Variants in CCND3 observed in about 807,000 individuals in gnomAD.
The protein encoded by CCND3 is G1/S-specific cyclin-D3.
Under a neutral mutation model 28.7 loss-of-function variants are expected in CCND3, and 9 were observed. That is an observed-to-expected ratio of 0.31 (90% confidence interval 0.19 to 0.55). The LOEUF is 0.55. Among genes scored for constraint, CCND3 ranks in the 20% least tolerant of loss-of-function variants. The pLI is 0.93. For missense variants in CCND3, 315 were observed against 385.8 expected (o/e 0.82, Z 1.54); for synonymous variants, 164 against 163.9 (o/e 1.00, Z 0.00).
At chr6:42,000,888 CTT>C (rs1029011775) in intron 1 of CCND3, among the ~76,000 whole-genome samples, 11 of 151,574 alleles carry the variant, frequency 7.3e-5, no homozygotes, top group Non-Finnish European at 1.2e-4. Flanking sequence ...TTAATGGAAA[CTT>C]TTCAAGAACT....
intron 1 of CCND3, chr6:42,031,352 C>T (rs1366477882): frequency 6.6e-6 from 1 of 152,206 alleles, no homozygotes; most frequent in Non-Finnish European, 1.5e-5. Context: ...GGATACTTCA[C>T]AACTTTACTG....
intron 1 of CCND3, among the ~76,000 whole-genome samples, chr6:42,040,568 C>A (rs1436128547): frequency 6.6e-6 from 1 of 150,844 alleles, no homozygotes; most frequent in African/African-American, 2.4e-5. Context: ...AAATAAAAAA[C>A]CTCGGCCAGG....
chr6:41,997,680 C>T (rs1762848866), intron 1 of CCND3, among the ~76,000 whole-genome samples: 6 of 151,756 alleles, frequency 4.0e-5, no homozygotes, highest in Admixed American at 3.9e-4. Flanking sequence ...TCACTTGAGC[C>T]CAGGAGTTTA....
chr6:41,940,857 C>A, intron 1 of CCND3: 1 of 1,225,584 alleles, frequency 8.2e-7, no homozygotes, highest in South Asian at 1.2e-5. Context: ...CGGAGACTCC[C>A]CTCCCCCACA....
In CCND3 at chr6:42,003,525, CAAAAAAAAAAAAAAAAAAAAAAAAAA is replaced by C. The variant is rs61494473; in HGVS notation, c.-46+44950_-46+44975del. 2.2e-3 allele frequency among the ~76,000 whole-genome samples: 160 copies of C among 73,518 alleles called. 2 individuals are homozygous for C. Among genetic ancestry groups the C allele is most frequent in the Non-Finnish European group, 2.5e-3 (109 of 43,000 alleles). The allele number at this position is 73,518 out of a possible 152,430, so 48.2% of individuals were successfully genotyped here. A position where few individuals can be genotyped will look rare whatever the true frequency, so the allele number is the denominator to read the frequency against. On this transcript the variant is annotated intron_variant, in intron 1 of 4. Transcript: ENST00000372988. ...GGGCAACCAGAGTGAGACTCTGTCTCAAAAAAAAAAAAAAAAAAAAAAAAAAAAAAAAAAAAAGAACAGCAGAATAA... is the reference window on the plus strand; with the variant it reads ...GGGCAACCAGAGTGAGACTCTGTCTCAAAAAAAAAAAGAACAGCAGAATAA...
At chr6:42,025,087 A>G (rs1293841861) in intron 1 of CCND3, among the ~76,000 whole-genome samples, 2 of 152,216 alleles carry the variant, frequency 1.3e-5, no homozygotes, top group Admixed American at 6.5e-5. Flanking sequence ...AATAAAATAA[A>G]AAAGAAATCC....
chr6:41,941,675 G>C lies in CCND3; in HGVS notation c.-26C>G, dbSNP rs1467144667. On this transcript the variant is annotated 5_prime_UTR_variant, in exon 1 of 5. Transcript: ENST00000372991. The surrounding 1 kb of genome is among the most constrained non-coding windows in gnomAD (Gnocchi z 6.1). The stretch of plus-strand genomic sequence containing the variant: ...ACTCGGGCAGCGAACAGGCAGGGCG[G>C]GAGTGCGGGCTCGCGAGTCCCAAGG... 2.3e-5 allele frequency: 31 copies of C among 1,368,712 alleles called. No homozygotes were observed. The highest frequency in any genetic ancestry group is 2.9e-5 in the Non-Finnish European group (31 of 1,061,562). 84.8% of individuals were successfully genotyped at this position (1,368,712 alleles called of 1,614,324 possible).
chr6:41,980,010 T>TCACACACACACACACACA (rs58375638), intron 1 of CCND3, among the ~76,000 whole-genome samples: 23,932 of 136,920 alleles, frequency 0.17, 2,385 homozygotes, highest in African/African-American at 0.21. Flanking sequence ...GCTTTCAAAA[T>TCACACACACACACACACA]CACACACACA....
At chr6:42,000,108 C>T (rs1762945049) in intron 1 of CCND3, among the ~76,000 whole-genome samples, 1 of 151,074 alleles carries the variant, frequency 6.6e-6, no homozygotes, top group Admixed American at 6.6e-5. Context: ...AAATTTACTA[C>T]ATACTAGGTC....
At chr6:41,988,026 T>C (rs1485625636) in intron 1 of CCND3, among the ~76,000 whole-genome samples, 1 of 151,912 alleles carries the variant, frequency 6.6e-6, no homozygotes, top group Non-Finnish European at 1.5e-5. Context: ...ATAAAAATAA[T>C]TAAAACAGAC....
intron 1 of CCND3, among the ~76,000 whole-genome samples, chr6:42,034,033 C>T (rs972983507): frequency 1.3e-5 from 2 of 152,128 alleles, no homozygotes; most frequent in Admixed American, 6.5e-5. Flanking sequence ...TGGCATGCAC[C>T]GGTAGTCTTA....
At chr6:41,958,905 A>G (rs1184761397) in intron 1 of CCND3, among the ~76,000 whole-genome samples, 1 of 152,256 alleles carries the variant, frequency 6.6e-6, no homozygotes, top group African/African-American at 2.4e-5. Context: ...TTCAGAAAAC[A>G]GTTCTGCAGT....
intron 1 of CCND3, among the ~76,000 whole-genome samples, chr6:42,025,361 C>T (rs1268391375): frequency 6.6e-6 from 1 of 152,198 alleles, no homozygotes; most frequent in Non-Finnish European, 1.5e-5. Flanking sequence ...TGCCACGCCA[C>T]CTTCTTTCCT....
At chr6:41,970,852 TTC>T (rs1435967316) in intron 1 of CCND3, among the ~76,000 whole-genome samples, 4 of 152,118 alleles carry the variant, frequency 2.6e-5, no homozygotes, top group African/African-American at 9.7e-5. Flanking sequence ...CAGTTTTGTG[TTC>T]TGTTTTTTTT....
chr6:42,001,720 G>C, intron 1 of CCND3, among the ~76,000 whole-genome samples: 1 of 152,098 alleles, frequency 6.6e-6, no homozygotes, highest in East Asian at 1.9e-4. Flanking sequence ...CAAAAAAAGC[G>C]GGGCGGGGGG....
chr6:41,963,384 G>A (rs1426991838), intron 1 of CCND3, among the ~76,000 whole-genome samples: 13 of 152,232 alleles, frequency 8.5e-5, no homozygotes. Flanking sequence ...GACTAGTAAA[G>A]GGGAATTTGC....
intron 1 of CCND3, among the ~76,000 whole-genome samples, chr6:42,011,696 C>T (rs1274247765): frequency 6.6e-6 from 1 of 152,158 alleles, no homozygotes; most frequent in Admixed American, 6.5e-5. Context: ...ATGCAGAGTA[C>T]TGAGCCCTCC....
At chr6:42,006,744 T>C (rs1441644452) in intron 1 of CCND3, among the ~76,000 whole-genome samples, 1 of 151,644 alleles carries the variant, frequency 6.6e-6, no homozygotes, top group Non-Finnish European at 1.5e-5. Flanking sequence ...CCATCTCTAC[T>C]AAAAATACAA....
At chr6:41,987,301 C>T (rs1464482367) in intron 1 of CCND3, among the ~76,000 whole-genome samples, 1 of 151,958 alleles carries the variant, frequency 6.6e-6, no homozygotes, top group Non-Finnish European at 1.5e-5. Flanking sequence ...TCAGTGATAC[C>T]TTGGAAGGAC....
Sources: allele counts gnomAD v4.1 joint callset (sites outside exome capture counted in the v4.1 genomes callset), GRCh38; gene constraint gnomAD v4.1.1; non-coding constraint Gnocchi (gnomAD v3.1); transcripts MANE v1.5; gene names NCBI Gene and HGNC (gene_info 2026-07-23, HGNC 2026-07-21).